Variants in PLCL1 observed in about 807,000 individuals in gnomAD.
PLCL1 encodes the protein phospholipase C like 1 (inactive).
In PLCL1, 41 loss-of-function variants were observed where a neutral mutation model predicts 84.4. The observed-to-expected ratio is 0.49, with a 90% confidence interval of 0.38 to 0.63. The LOEUF (loss-of-function observed/expected upper bound fraction) is 0.63, where lower values mean the gene tolerates loss of function less well. Ranked by LOEUF, PLCL1 falls within the 30% of genes least tolerant of loss-of-function variation. The pLI, the probability that PLCL1 is intolerant of heterozygous loss-of-function variation, is 0.00. For synonymous variants in PLCL1, 490 were observed against 488.3 expected (o/e 1.00, Z -0.05); for missense variants, 1,206 against 1,367.8 (o/e 0.88, Z 1.87).
intron 1 of PLCL1, among the ~76,000 whole-genome samples, chr2:197,997,559 G>A (rs563515706): frequency 4.7e-4 from 72 of 152,282 alleles, no homozygotes; most frequent in African/African-American, 1.6e-3. Context: ...GCCTTTTCAT[G>A]GCCCTGCACG....
intron 1 of PLCL1, among the ~76,000 whole-genome samples, chr2:197,903,242 A>T (rs1032536512): frequency 6.6e-6 from 1 of 152,134 alleles, no homozygotes; most frequent in Admixed American, 6.5e-5. Flanking sequence ...ACCACTAGCT[A>T]CTGTTGTAAA....
chr2:197,915,659 G>A (rs760399641), intron 1 of PLCL1, among the ~76,000 whole-genome samples: 11 of 152,084 alleles, frequency 7.2e-5, no homozygotes, highest in South Asian at 2.1e-4. Context: ...CTTGTTAATC[G>A]TCAGGAAGGA....
chr2:197,995,949 G>A (rs1447110047), intron 1 of PLCL1, among the ~76,000 whole-genome samples: 1 of 152,200 alleles, frequency 6.6e-6, no homozygotes. Flanking sequence ...CACAGGAAAT[G>A]TGATTTGGGG....
At chr2:198,093,969 T>C (rs1468409480) in intron 3 of PLCL1, among the ~76,000 whole-genome samples, 6 of 152,196 alleles carry the variant, frequency 3.9e-5, no homozygotes, top group Non-Finnish European at 5.9e-5. Context: ...AATAAATAAA[T>C]AAATAAATCC....
At chr2:197,869,280 T>C (rs1687604172) in intron 1 of PLCL1, among the ~76,000 whole-genome samples, 1 of 152,254 alleles carries the variant, frequency 6.6e-6, no homozygotes, top group Non-Finnish European at 1.5e-5. Flanking sequence ...CATTCCACAA[T>C]GTACTTAGTG....
At chr2:198,086,435 A>G (rs748076252) in intron 2 of PLCL1, among the ~76,000 whole-genome samples, 2 of 152,076 alleles carry the variant, frequency 1.3e-5, no homozygotes, top group Non-Finnish European at 2.9e-5. Context: ...AGCTTGGGAA[A>G]CATGGTGAAA....
chr2:198,048,421 A>G (rs1168238703), intron 1 of PLCL1, among the ~76,000 whole-genome samples: 1 of 152,196 alleles, frequency 6.6e-6, no homozygotes, highest in African/African-American at 2.4e-5. Flanking sequence ...TGTTGCTGTA[A>G]AAAATGCCTG....
intron 5 of PLCL1, among the ~76,000 whole-genome samples, chr2:198,134,618 T>G (rs879902556): frequency 1.3e-5 from 2 of 152,110 alleles, no homozygotes; most frequent in Admixed American, 1.3e-4. Context: ...AGAGGACAAT[T>G]TCAGCCTCTT....
intron 1 of PLCL1, among the ~76,000 whole-genome samples, chr2:197,815,975 A>G (rs1690678564): frequency 6.6e-6 from 1 of 152,194 alleles, no homozygotes; most frequent in South Asian, 2.1e-4. Context: ...CAAAAGATTT[A>G]GAATATTACA....
chr2:198,038,844 C>CAAAAAAAAAAA (rs11299150), intron 1 of PLCL1, among the ~76,000 whole-genome samples: 10 of 120,398 alleles, frequency 8.3e-5, no homozygotes, highest in Admixed American at 8.7e-5. Context: ...CATTAAAGGT[C>CAAAAAAAAAAA]AAAAAAAAAA....
At position 198,086,200 on chromosome 2, in the gene PLCL1, C is replaced by G; in HGVS notation, c.2683C>G (p.Arg895Gly). 1 of 1,612,882 alleles carries G rather than the reference C, an allele frequency of 6.2e-7. No homozygotes were observed. Among genetic ancestry groups the G allele is most frequent in the African/African-American group, 1.3e-5 (1 of 74,930 alleles). Residue 895 changes from arginine (R) to glycine (G), a missense_variant, in exon 2 of 6, where the codon CGA (arginine) becomes GGA (glycine). Physicochemically the swap from Arg to Gly is moderately radical, Grantham distance 125. Coordinates refer to ENST00000428675, the MANE Select transcript of PLCL1 (RefSeq NM_006226.4). ...DIFKIAVHPLREAIDMRENMQ... is the reference protein window; with the variant it reads ...DIFKIAVHPLGEAIDMRENMQ... ...CTTTAAAATAGCGGTTCATCCATTA[C>G]GAGAAGCCATAGATATGAGAGAAAA...
At chr2:198,014,767 T>A (rs1306828835) in intron 1 of PLCL1, among the ~76,000 whole-genome samples, 2 of 152,138 alleles carry the variant, frequency 1.3e-5, no homozygotes, top group African/African-American at 4.8e-5. Context: ...CCTTTGCAAA[T>A]AATTCACTTA....
intron 1 of PLCL1, among the ~76,000 whole-genome samples, chr2:197,841,344 C>T (rs188315192): frequency 5.9e-5 from 9 of 152,194 alleles, no homozygotes; most frequent in African/African-American, 2.2e-4. Flanking sequence ...GTAGTGGCAC[C>T]GTCCTGAAAA....
intron 1 of PLCL1, among the ~76,000 whole-genome samples, chr2:198,010,141 A>G (rs2105828961): frequency 6.6e-6 from 1 of 152,018 alleles, no homozygotes; most frequent in Middle Eastern, 3.4e-3. Context: ...TCTTTTCCAA[A>G]TTTTAGGCTT....
chr2:198,036,895 C>T (rs1289211715), intron 1 of PLCL1, among the ~76,000 whole-genome samples: 2 of 152,130 alleles, frequency 1.3e-5, no homozygotes, highest in Non-Finnish European at 2.9e-5. Flanking sequence ...AAGGTTCTTC[C>T]AAGGCAGACA....
intron 1 of PLCL1, among the ~76,000 whole-genome samples, chr2:198,009,557 G>A (rs1240477267): frequency 6.6e-6 from 1 of 151,750 alleles, no homozygotes; most frequent in Non-Finnish European, 1.5e-5. Flanking sequence ...TCTTACTTTA[G>A]GCCATACCAC....
At chr2:198,011,566 G>A (rs1346872717) in intron 1 of PLCL1, among the ~76,000 whole-genome samples, 8 of 152,090 alleles carry the variant, frequency 5.3e-5, no homozygotes, top group Admixed American at 5.2e-4. Context: ...ATGTGCGCTT[G>A]AGAATAATGT....
intron 1 of PLCL1, among the ~76,000 whole-genome samples, chr2:197,977,627 C>A (rs1470843796): frequency 6.6e-6 from 1 of 152,138 alleles, no homozygotes; most frequent in Non-Finnish European, 1.5e-5. Flanking sequence ...GTTTACCTTG[C>A]CCCCATCCAT....
At chr2:197,817,150 A>G (rs1690706622) in intron 1 of PLCL1, among the ~76,000 whole-genome samples, 1 of 152,160 alleles carries the variant, frequency 6.6e-6, no homozygotes, top group African/African-American at 2.4e-5. Context: ...TGAAAGGTAC[A>G]GGTCTTTGGC....
Sources: gnomAD v4.1 joint callset for allele counts (sites outside exome capture counted in the v4.1 genomes callset) on GRCh38, gnomAD v4.1.1 for gene constraint, MANE v1.5 for transcripts, NCBI Gene and HGNC (gene_info 2026-07-23, HGNC 2026-07-21) for gene names.